The following THSD4 variants were observed in gnomAD, a reference collection of about 807,000 sequenced individuals.
THSD4 encodes thrombospondin type 1 domain containing 4.
A neutral mutation model predicts 119.0 loss-of-function variants in THSD4; 69 were observed. The observed-to-expected ratio is 0.58, with a 90% confidence interval of 0.48 to 0.71. The LOEUF (loss-of-function observed/expected upper bound fraction) is 0.71, where lower values mean the gene tolerates loss of function less well. Ranked by LOEUF, THSD4 falls within the 30% of genes least tolerant of loss-of-function variation. The probability of loss-of-function intolerance (pLI) is 0.00; values close to 1 mark genes in which losing one functional copy is unlikely to be tolerated. For synonymous variants in THSD4, 524 were observed against 540.4 expected (o/e 0.97, Z 0.42); for missense variants, 1,393 against 1,391.1 (o/e 1.00, Z -0.02).
At chr15:71,596,490 A>G (rs928581984) in intron 7 of THSD4, among the ~76,000 whole-genome samples, 37 of 152,154 alleles carry the variant, frequency 2.4e-4, no homozygotes, top group Non-Finnish European at 4.4e-4. Context: ...AGAGTTTTGT[A>G]TTTTATAAAC....
At chr15:71,509,247 T>C (rs2048242020) in intron 7 of THSD4, among the ~76,000 whole-genome samples, 1 of 152,174 alleles carries the variant, frequency 6.6e-6, no homozygotes, top group African/African-American at 2.4e-5. Flanking sequence ...TGCAGTGCAT[T>C]CCCAAGCTCA....
In THSD4 at chr15:71,337,728, A is replaced by T. The variant is rs530941231; in HGVS notation, c.1016-73959A>T. 3.4e-3 allele frequency among the ~76,000 whole-genome samples: 503 copies of T among 146,556 alleles called. 3 individuals carry two copies. Among genetic ancestry groups the T allele is most frequent in the Non-Finnish European group, 6.2e-3 (410 of 65,700 alleles). On this transcript the variant is annotated intron_variant, in intron 6 of 17. Transcript: ENST00000261862. ...TGAGGCTCTGCCTGAACACTTGAGG[A>T]GGGCCTTTGCATACCCCAGGTGAAC...
At chr15:71,717,756 C>A (rs2141105662) in intron 8 of THSD4, among the ~76,000 whole-genome samples, 1 of 152,232 alleles carries the variant, frequency 6.6e-6, no homozygotes, top group Admixed American at 6.5e-5. Context: ...GAACAAGACC[C>A]CCCACCACCA....
At chr15:71,422,537 A>G (rs1268209970) in intron 7 of THSD4, among the ~76,000 whole-genome samples, 1 of 152,144 alleles carries the variant, frequency 6.6e-6, no homozygotes, top group African/African-American at 2.4e-5. Flanking sequence ...TTTCTCCTAC[A>G]AGAATGGAGT....
In THSD4 at chr15:71,151,860, C is replaced by T. The variant is rs564251046; in HGVS notation, c.30-3003C>T. Among the ~76,000 whole-genome samples the T allele has an allele frequency of 4.3e-4, 66 of 152,234 alleles. No individual in the cohort carries two copies. In the South Asian group the frequency reaches 0.013, roughly 30 times the overall value. ...TGGGAGTGAGAAGGTGAATCATTTT[C>T]GAAGTTATCCAGGACATCAGTAGCA... is the stretch of plus-strand genomic sequence containing the variant. On this transcript the variant is annotated intron_variant, in intron 2 of 17. Coordinates refer to ENST00000261862, the MANE Select transcript of THSD4 (RefSeq NM_024817.3).
intron 7 of THSD4, among the ~76,000 whole-genome samples, chr15:71,517,293 A>G (rs1567017749): frequency 6.6e-6 from 1 of 151,334 alleles, no homozygotes. Flanking sequence ...CATCCCCGCC[A>G]CTCCCATTCT....
At chr15:71,377,883 C>CACACACACACACACACACACACACACAA (rs1566961391) in intron 6 of THSD4, among the ~76,000 whole-genome samples, 3 of 80,964 alleles carry the variant, frequency 3.7e-5, no homozygotes, top group South Asian at 4.2e-4. Flanking sequence ...CACACACACA[C>CACACACACACACACACACACACACACAA]ACACACACAC....
At chr15:71,236,144 G>C (rs890152523) in intron 4 of THSD4, among the ~76,000 whole-genome samples, 3 of 152,148 alleles carry the variant, frequency 2.0e-5, no homozygotes, top group African/African-American at 7.2e-5. Context: ...CCCCTCAAAG[G>C]AACTTGCCTG....
chr15:71,372,672 G>T (rs527416530), intron 6 of THSD4, among the ~76,000 whole-genome samples: 15 of 152,340 alleles, frequency 9.8e-5, no homozygotes, highest in Admixed American at 7.2e-4. Flanking sequence ...GGCCGTGTAA[G>T]GTCAGTGTGC....
At chr15:71,752,744 T>C (rs2053470238) in intron 14 of THSD4, among the ~76,000 whole-genome samples, 2 of 152,162 alleles carry the variant, frequency 1.3e-5, no homozygotes, top group African/African-American at 4.8e-5. Flanking sequence ...CTAGATGAGG[T>C]TGGCACAGTG....
At chr15:71,643,977 T>G (rs1408061508) in intron 7 of THSD4, among the ~76,000 whole-genome samples, 1 of 152,242 alleles carries the variant, frequency 6.6e-6, no homozygotes, top group Non-Finnish European at 1.5e-5. Context: ...GTATATATGA[T>G]GTTTATCACA....
chr15:71,385,515 G>C (rs1373938663), intron 6 of THSD4, among the ~76,000 whole-genome samples: 1 of 152,188 alleles, frequency 6.6e-6, no homozygotes, highest in Admixed American at 6.5e-5. Context: ...GACACAAAAA[G>C]GGAAGGATTG....
intron 7 of THSD4, among the ~76,000 whole-genome samples, chr15:71,446,686 A>T (rs906463806): frequency 1.3e-5 from 2 of 152,130 alleles, no homozygotes; most frequent in Non-Finnish European, 2.9e-5. Context: ...AATGGCAGCA[A>T]TTCGGTAGTG....
chr15:71,329,024 T>A (rs1298341111), intron 6 of THSD4, among the ~76,000 whole-genome samples: 1 of 152,230 alleles, frequency 6.6e-6, no homozygotes. Context: ...AAGAGCCATT[T>A]GTCTTATTTT....
At chr15:71,645,720 C>T (rs1454317660) in intron 7 of THSD4, among the ~76,000 whole-genome samples, 1 of 152,122 alleles carries the variant, frequency 6.6e-6, no homozygotes, top group Non-Finnish European at 1.5e-5. Flanking sequence ...TTTGGTGCAA[C>T]AGAAAACAAA....
intron 3 of THSD4, among the ~76,000 whole-genome samples, chr15:71,198,092 G>A (rs781072185): frequency 7.2e-5 from 11 of 152,032 alleles, no homozygotes; most frequent in African/African-American, 9.7e-5. Context: ...CTGTCTCTAC[G>A]AAAAATAAAA....
At chr15:71,695,331 G>T (rs2052140329) in intron 8 of THSD4, among the ~76,000 whole-genome samples, 1 of 152,048 alleles carries the variant, frequency 6.6e-6, no homozygotes, top group Admixed American at 6.6e-5. Flanking sequence ...TTTATTGTAT[G>T]TGTATGTGTG....
chr15:71,109,358 T>G (rs1201165180), intron 1 of THSD4, among the ~76,000 whole-genome samples: 1 of 152,212 alleles, frequency 6.6e-6, no homozygotes, highest in Non-Finnish European at 1.5e-5. Flanking sequence ...AAATGCAGCT[T>G]GAAATTTTTA....
intron 6 of THSD4, among the ~76,000 whole-genome samples, chr15:71,297,577 G>A (rs942202052): frequency 2.6e-5 from 4 of 152,016 alleles, no homozygotes; most frequent in Admixed American, 6.6e-5. Context: ...CTTGTGATCC[G>A]CCTGCCTTGG....
Sources: gnomAD v4.1 joint callset for allele counts (sites outside exome capture counted in the v4.1 genomes callset) on GRCh38, gnomAD v4.1.1 for gene constraint, MANE v1.5 for transcripts, NCBI Gene and HGNC (gene_info 2026-07-23, HGNC 2026-07-21) for gene names.